Variants in AKAP6 observed in about 807,000 individuals in gnomAD.
The protein encoded by AKAP6 is A-kinase anchor protein 6.
Under a neutral mutation model 188.5 loss-of-function variants are expected in AKAP6, and 58 were observed. The ratio of observed to expected loss-of-function variants is 0.31; its 90% CI spans 0.25 to 0.38. The LOEUF is 0.38. Among genes scored for constraint, AKAP6 ranks in the 10% least tolerant of loss-of-function variants. AKAP6 has a pLI of 1.00. For missense variants in AKAP6, 2,710 were observed against 2,740.0 expected (o/e 0.99, Z 0.24); for synonymous variants, 989 against 998.6 (o/e 0.99, Z 0.18).
rs1486819420 is a variant in AKAP6, at chr14:32,732,479, G to C, written c.3026G>C (p.Arg1009Thr). 1.2e-6 allele frequency: 2 copies of C among 1,613,288 alleles called. No individual in the cohort carries two copies. The highest frequency in any genetic ancestry group is 1.7e-6 in the Non-Finnish European group (2 of 1,179,560). Reference protein sequence around the residue: ...YKRYSVEMSIRHLKKTELLSK... With the variant: ...YKRYSVEMSITHLKKTELLSK... Reference sequence around the variant, plus strand: ...CGATACAGTGTGGAAATGTCCATCAGACACCTGAAAAAGACGGAGCTGCTT... The same window carrying C: ...CGATACAGTGTGGAAATGTCCATCACACACCTGAAAAAGACGGAGCTGCTT... Residue 1009 changes from arginine to threonine, a missense_variant, in exon 10 of 14, where the codon AGA (arginine) becomes ACA (threonine). Around this residue, in one of 2 missense-constraint regions of AKAP6, gnomAD observed 2,473 missense variants for 2,426.1 expected, o/e 1.02. Coordinates refer to ENST00000280979, the MANE Select transcript of AKAP6 (RefSeq NM_004274.5).
At chr14:32,530,748 C>G (rs1433111562) in intron 2 of AKAP6, among the ~76,000 whole-genome samples, 5 of 152,036 alleles carry the variant, frequency 3.3e-5, no homozygotes, top group Non-Finnish European at 7.4e-5. Flanking sequence ...ACTGGACATA[C>G]TGGTTAAATA....
At chr14:32,489,412 G>A (rs1026131611) in intron 2 of AKAP6, among the ~76,000 whole-genome samples, 1 of 152,026 alleles carries the variant, frequency 6.6e-6, no homozygotes, top group African/African-American at 2.4e-5. Context: ...GTCTCTCTAT[G>A]TTGCCTAGGC....
At chr14:32,769,819 T>A (rs1233103549) in intron 11 of AKAP6, among the ~76,000 whole-genome samples, 1 of 152,162 alleles carries the variant, frequency 6.6e-6, no homozygotes, top group Non-Finnish European at 1.5e-5. Context: ...CAGTTCTTGG[T>A]GTAAATAAAG....
At chr14:32,718,183 C>T in intron 9 of AKAP6, 2 of 583,680 alleles carry the variant, frequency 3.4e-6, no homozygotes, top group Non-Finnish European at 4.3e-6. Context: ...CACTTAGCTT[C>T]TATGTATCAA....
At chr14:32,532,573 G>A (rs1473032725) in intron 2 of AKAP6, among the ~76,000 whole-genome samples, 2 of 152,200 alleles carry the variant, frequency 1.3e-5, no homozygotes, top group East Asian at 3.8e-4. Context: ...TTTACATGAT[G>A]CTTTCGTGGT....
At chr14:32,768,250 G>A (rs28588446) in intron 11 of AKAP6, among the ~76,000 whole-genome samples, 23,143 of 152,008 alleles carry the variant, frequency 0.15, 2,805 homozygotes, top group African/African-American at 0.34. Flanking sequence ...ATAGCTTCAG[G>A]CATTAACATT....
At chr14:32,829,722 T>C in intron 13 of AKAP6, 126 bp from the exon 14 acceptor site, 1 of 502,710 alleles carries the variant, frequency 2.0e-6, no homozygotes, top group Non-Finnish European at 3.5e-6. Flanking sequence ...TATGTATCTT[T>C]ATATTTCAGA....
At chr14:32,754,082 GT>G (rs2032242270) in intron 11 of AKAP6, among the ~76,000 whole-genome samples, 1 of 151,820 alleles carries the variant, frequency 6.6e-6, no homozygotes, top group Non-Finnish European at 1.5e-5. Flanking sequence ...ATTTTGATCT[GT>G]CCATTATTGA....
At chr14:32,730,693 C>G (rs974313952) in intron 9 of AKAP6, among the ~76,000 whole-genome samples, 1 of 152,114 alleles carries the variant, frequency 6.6e-6, no homozygotes, top group African/African-American at 2.4e-5. Flanking sequence ...TAAGATTTTC[C>G]TGCCTGCCTG....
intron 2 of AKAP6, among the ~76,000 whole-genome samples, chr14:32,471,834 A>G (rs918579915): frequency 6.6e-6 from 1 of 152,142 alleles, no homozygotes; most frequent in Non-Finnish European, 1.5e-5. Context: ...ACACTGTGTT[A>G]TCTGTGCTAA....
chr14:32,727,104 A>G (rs1278383400), intron 9 of AKAP6, among the ~76,000 whole-genome samples: 1 of 152,230 alleles, frequency 6.6e-6, no homozygotes, highest in Admixed American at 6.5e-5. Context: ...ATAGAAAAAT[A>G]ATAATCAATA....
Position 32,600,742 on chromosome 14 carries a change from C to T in AKAP6, c.2680C>T (p.Leu894=). 1 of 1,613,392 alleles carries T rather than the reference C, an allele frequency of 6.2e-7. No homozygotes were observed. The highest frequency in any genetic ancestry group is 1.3e-5 in the African/African-American group (1 of 75,018). ...TCTGGATACCATCAAAGCCGAGATA[C>T]TGGCTACTGATGTGTCTGTGGAGGA... is the stretch of plus-strand genomic sequence containing the variant. ...RALDTIKAEI[L]ATDVSVEDEE... Residue 894 remains leucine, a synonymous_variant, in exon 7 of 14, where the codon CTG becomes TTG. Transcript: ENST00000280979.
At chr14:32,778,147 G>A (rs1955515) in intron 12 of AKAP6, among the ~76,000 whole-genome samples, 146,924 of 152,196 alleles carry the variant, frequency 0.97, 71,061 homozygotes, top group East Asian at 1. Flanking sequence ...TAAAACCTGA[G>A]GATATTCATT....
intron 12 of AKAP6, among the ~76,000 whole-genome samples, chr14:32,786,309 T>TTTGTTTTTTTTTTG (rs1566710290): frequency 8.5e-5 from 8 of 93,708 alleles, no homozygotes; most frequent in Non-Finnish European, 1.8e-4. Flanking sequence ...TTTTTTTTTT[T>TTTGTTTTTTTTTTG]TTTTTTTTTT....
At chr14:32,365,152 C>T (rs1284406067) in intron 1 of AKAP6, among the ~76,000 whole-genome samples, 1 of 152,196 alleles carries the variant, frequency 6.6e-6, no homozygotes. Context: ...TCTCTAATTG[C>T]TTCCAGGGTT....
At position 32,361,053 on chromosome 14, in the gene AKAP6, C is replaced by CATATAT. The variant is rs201231103; in HGVS notation, c.-35+31648_-35+31649insTATATA. On this transcript the variant is annotated intron_variant, in intron 1 of 13. Transcript: ENST00000280979. Reference sequence around the variant, plus strand: ...TGTGAGCCACTGCACAAGGCCTGAACATACATATATATATATATTTGAGAA... The same window carrying CATATAT: ...TGTGAGCCACTGCACAAGGCCTGAACATATATATACATATATATATATATTTGAGAA... 8.4e-3 allele frequency among the ~76,000 whole-genome samples: 941 copies of CATATAT among 111,922 alleles called. 58 individuals are homozygous for CATATAT. The highest frequency in any genetic ancestry group is 0.034 in the African/African-American group (870 of 25,238). The allele number at this position is 111,922 out of a possible 152,430, so 73.4% of individuals were successfully genotyped here. A position where few individuals can be genotyped will look rare whatever the true frequency, so the allele number is the denominator to read the frequency against.
chr14:32,607,140 G>T (rs951346883), intron 7 of AKAP6, among the ~76,000 whole-genome samples: 6 of 152,214 alleles, frequency 3.9e-5, no homozygotes, highest in Non-Finnish European at 8.8e-5. Flanking sequence ...TTGGGTAAGA[G>T]CGCAACTGGC....
chr14:32,822,515 A>G lies in AKAP6; in HGVS notation c.4702A>G (p.Ile1568Val). Residue 1568 changes from isoleucine to valine, a missense_variant, in exon 13 of 14, where the codon ATT (isoleucine) becomes GTT (valine). Coordinates refer to ENST00000280979, the MANE Select transcript of AKAP6 (RefSeq NM_004274.5). The part of the protein sequence containing the change: ...QLSLLSHSSS[I>V]ESLSPGGDLF... ...CTCCCTTTTATCTCATAGTTCATCT[A>G]TTGAGTCCCTTTCTCCAGGGGGTGA... 1 of 1,614,050 alleles carries G rather than the reference A, an allele frequency of 6.2e-7. No individual in the cohort carries two copies. Among genetic ancestry groups the G allele is most frequent in the Non-Finnish European group, 8.5e-7 (1 of 1,179,962 alleles).
At chr14:32,687,851 T>C (rs934898953) in intron 8 of AKAP6, among the ~76,000 whole-genome samples, 4 of 152,122 alleles carry the variant, frequency 2.6e-5, no homozygotes, top group African/African-American at 9.7e-5. Flanking sequence ...CTGACCACTA[T>C]GTAAGTATTT....
Sources: allele counts gnomAD v4.1 joint callset (sites outside exome capture counted in the v4.1 genomes callset), GRCh38; gene constraint gnomAD v4.1.1; regional missense constraint gnomAD v4.1.1; transcripts MANE v1.5; gene names NCBI Gene and HGNC (gene_info 2026-07-23, HGNC 2026-07-21).